The following COG3 variants were observed in gnomAD, a reference collection of about 807,000 sequenced individuals.
COG3 encodes conserved oligomeric Golgi complex subunit 3.
Under a neutral mutation model 114.1 loss-of-function variants are expected in COG3, and 32 were observed. The observed-to-expected ratio is 0.28, with a 90% CI of 0.21 to 0.38. The LOEUF (loss-of-function observed/expected upper bound fraction) is 0.38. Among genes scored for constraint, COG3 ranks in the 10% least tolerant of loss-of-function variants. The pLI, the probability that COG3 is intolerant of heterozygous loss-of-function variation, is 1.00. For synonymous variants in COG3, 352 were observed against 365.7 expected, an observed-to-expected ratio of 0.96 and a Z score of 0.43; for missense variants, 813 against 973.2, an observed-to-expected ratio of 0.84 and a Z score of 2.19.
chr13:45,511,253 AT>A (rs1260126531), intron 15 of COG3, among the ~76,000 whole-genome samples: 1 of 151,608 alleles, frequency 6.6e-6, no homozygotes, highest in Non-Finnish European at 1.5e-5. Context: ...ATTTAGTCCT[AT>A]TTTATTTGTC....
chr13:45,487,949 G>A lies in COG3; in HGVS notation c.924+1374G>A, dbSNP rs114673161. Reference sequence around the variant, plus strand: ...ACCTGTGTTGATTGCAGCACTATTCGCAATAGTAAAGATATGGAATCAACC... The same window carrying A: ...ACCTGTGTTGATTGCAGCACTATTCACAATAGTAAAGATATGGAATCAACC... On this transcript the variant is annotated intron_variant, in intron 8 of 22. Transcript: ENST00000349995. Among the ~76,000 whole-genome samples the A allele has an allele frequency of 1.1e-3, 173 of 152,204 alleles. 1 individual carries two copies. Among genetic ancestry groups the A allele is most frequent in the African/African-American group, 3.7e-3 (154 of 41,534 alleles).
At chr13:45,501,431 A>AT (rs1869521909) in intron 13 of COG3, among the ~76,000 whole-genome samples, 1 of 152,058 alleles carries the variant, frequency 6.6e-6, no homozygotes, top group African/African-American at 2.4e-5. Flanking sequence ...CTGGTACTTT[A>AT]TTTTGCTGCT....
At chr13:45,489,186 CAAAAAAAAAAAAAAAA>C (rs71074703) in intron 8 of COG3, among the ~76,000 whole-genome samples, 1 of 30,412 alleles carries the variant, frequency 3.3e-5, no homozygotes, top group Non-Finnish European at 5.5e-5. Flanking sequence ...GACTCTGTTT[CAAAAAAAAAAAAAAAA>C]AAAAAAAAAA....
chr13:45,511,550 A>G (rs1368825070), intron 15 of COG3, among the ~76,000 whole-genome samples: 1 of 152,254 alleles, frequency 6.6e-6, no homozygotes, highest in African/African-American at 2.4e-5. Flanking sequence ...GAATGGTCAC[A>G]TGAATGTTTC....
At chr13:45,489,770 C>G (rs969026823) in intron 8 of COG3, among the ~76,000 whole-genome samples, 1 of 151,478 alleles carries the variant, frequency 6.6e-6, no homozygotes, top group African/African-American at 2.4e-5. Flanking sequence ...TCACTTTCTC[C>G]CAGAGTAATT....
intron 8 of COG3, among the ~76,000 whole-genome samples, chr13:45,487,834 A>G (rs553531301): frequency 6.6e-6 from 1 of 152,344 alleles, no homozygotes; most frequent in East Asian, 1.9e-4. Flanking sequence ...GAGATTTCTC[A>G]AAAAACTAAA....
chr13:45,478,839 T>C (rs978246337), intron 2 of COG3, among the ~76,000 whole-genome samples, 166 bp from the exon 3 acceptor site: 1 of 152,220 alleles, frequency 6.6e-6, no homozygotes, highest in Admixed American at 6.5e-5. Flanking sequence ...ATGGGTATTG[T>C]GGATATAATT....
intron 13 of COG3, among the ~76,000 whole-genome samples, chr13:45,496,834 C>T (rs929886463): frequency 9.9e-5 from 15 of 151,850 alleles, no homozygotes; most frequent in African/African-American, 3.4e-4. Flanking sequence ...CCACCACACC[C>T]GGCTAATTTT....
intron 13 of COG3, among the ~76,000 whole-genome samples, chr13:45,498,906 C>T (rs1869157437): frequency 6.6e-6 from 1 of 151,212 alleles, no homozygotes; most frequent in African/African-American, 2.4e-5. Context: ...TTTTCTTGCA[C>T]AAGATGATAC....
chr13:45,525,146 A>G (rs1255275308), intron 20 of COG3, 95 bp downstream of exon 20: 10 of 1,006,148 alleles, frequency 9.9e-6, no homozygotes, highest in African/African-American at 1.6e-5. Flanking sequence ...TTGGTTTCCT[A>G]TTCACTCTGG....
chr13:45,509,146 T>C (rs1488867545), intron 14 of COG3, among the ~76,000 whole-genome samples: 10 of 152,012 alleles, frequency 6.6e-5, no homozygotes, highest in Non-Finnish European at 1.5e-5. Flanking sequence ...TTCAAGCGAT[T>C]TTCCTGCCTC....
Position 45,465,027 on chromosome 13 carries a change from G to C in COG3, c.-10G>C, listed in dbSNP as rs748184991. The C allele has an allele frequency of 1.3e-6, 2 of 1,560,480 alleles. No homozygotes were observed. The highest frequency in any genetic ancestry group is 2.3e-5 in the South Asian group (2 of 85,622). Reference sequence around the variant, plus strand: ...TCTCGCTGCTGCTGAAGGCCGCGAGGGCGGCGGCGATGGCGGAGGCGGCGC... The same window carrying C: ...TCTCGCTGCTGCTGAAGGCCGCGAGCGCGGCGGCGATGGCGGAGGCGGCGC... On this transcript the variant is annotated 5_prime_UTR_variant, in exon 1 of 23. Transcript: ENST00000349995.
intron 21 of COG3, among the ~76,000 whole-genome samples, chr13:45,530,353 A>G (rs1166706178): frequency 6.6e-6 from 1 of 152,152 alleles, no homozygotes; most frequent in Non-Finnish European, 1.5e-5. Flanking sequence ...GTTCTTACCC[A>G]AGGCATGGGT....
chr13:45,499,004 C>G (rs995042671), intron 13 of COG3, among the ~76,000 whole-genome samples: 1 of 151,940 alleles, frequency 6.6e-6, no homozygotes, highest in African/African-American at 2.4e-5. Context: ...ACCCTTGGTT[C>G]CTTAAGGGGA....
Position 45,481,220 on chromosome 13 carries a change from A to C in COG3, c.550-10A>C, listed in dbSNP as rs775976404. On this transcript the variant is annotated splice_polypyrimidine_tract_variant and intron_variant, in intron 4 of 22. Transcript: ENST00000349995. ...ATAATAATTGATTTTTCTCTTTTAA[A>C]AAATGCAAGTCGGAACTTGTTGATC... is the stretch of plus-strand genomic sequence containing the variant. The C allele has an allele frequency of 6.5e-7, 1 of 1,542,500 alleles. No homozygotes were observed. Among genetic ancestry groups the C allele is most frequent in the South Asian group, 1.2e-5 (1 of 86,636 alleles).
chr13:45,529,901 T>G lies in COG3; in HGVS notation c.2341T>G (p.Leu781Val). The G allele has an allele frequency of 1.9e-6, 3 of 1,611,096 alleles. No individual in the cohort carries two copies. Among genetic ancestry groups the G allele is most frequent in the Non-Finnish European group, 2.5e-6 (3 of 1,179,038 alleles). The part of the protein sequence containing the change: ...YLSNKDTEFI[L>V]FKPVRNNIQQ... Reference sequence around the variant, plus strand: ...ATCCAATAAAGATACCGAGTTCATCTTGTTTAAACCTGTGAGGGTGAGTAT... The same window carrying G: ...ATCCAATAAAGATACCGAGTTCATCGTGTTTAAACCTGTGAGGGTGAGTAT... Residue 781 changes from leucine to valine, a missense_variant, in exon 21 of 23, where the codon TTG (leucine) becomes GTG (valine). By Grantham distance (32) the Leu-to-Val change is conservative. Around this residue, in one of 2 missense-constraint regions of COG3, gnomAD observed 389 missense variants for 542.6 expected, o/e 0.72. Transcript: ENST00000349995.
rs574162080 is a variant in COG3 at position 45,474,318 on chromosome 13, C to T, written c.175-1883C>T. ...GACTACAGGCGCCTGCCACCATGCCCGGCTAATTTTTTTTTGTGTGTTTTT... is the reference window on the plus strand; with the variant it reads ...GACTACAGGCGCCTGCCACCATGCCTGGCTAATTTTTTTTTGTGTGTTTTT... On this transcript the variant is annotated intron_variant, in intron 1 of 22. Transcript: ENST00000349995. Among the ~76,000 whole-genome samples, 48 of 152,022 alleles carry T rather than the reference C, an allele frequency of 3.2e-4. 1 individual carries two copies. The highest frequency in any genetic ancestry group is 9.9e-4 in the African/African-American group (41 of 41,426).
At chr13:45,485,179 G>C (rs1886520468) in intron 7 of COG3, among the ~76,000 whole-genome samples, 1 of 147,300 alleles carries the variant, frequency 6.8e-6, no homozygotes, top group Non-Finnish European at 1.5e-5. Context: ...AGGGGCGGCC[G>C]GGCAGAGGCG....
Position 45,509,683 on chromosome 13 carries a change from G to C in COG3, c.1595-9G>C, listed in dbSNP as rs1471632762. 1.9e-6 allele frequency: 3 copies of C among 1,610,844 alleles called. No individual in the cohort carries two copies. Among genetic ancestry groups the C allele is most frequent in the East Asian group, 2.2e-5 (1 of 44,826 alleles). On this transcript the variant is annotated splice_polypyrimidine_tract_variant and intron_variant, in intron 14 of 22. Coordinates refer to ENST00000349995, the MANE Select transcript of COG3 (RefSeq NM_031431.4). ...GTGAAATGTGTCTTCTTTTCCACTT[G>C]GGTTTTAGGTTCAACAGAATCCCTC...
Sources: gnomAD v4.1 joint callset for allele counts (sites outside exome capture counted in the v4.1 genomes callset) on GRCh38, gnomAD v4.1.1 for gene constraint, gnomAD v4.1.1 regional missense constraint, MANE v1.5 for transcripts, NCBI Gene and HGNC (gene_info 2026-07-23, HGNC 2026-07-21) for gene names.